SH3BP4: variants seen among roughly 807,000 people sequenced by gnomAD.
The protein encoded by SH3BP4 is SH3 domain binding protein 4, also known as SH3 domain-binding protein 4.
A neutral mutation model predicts 65.5 loss-of-function variants in SH3BP4; 33 were observed. That is an observed-to-expected ratio of 0.50 (90% CI 0.38 to 0.67). The LOEUF is 0.67. Ranked by LOEUF, SH3BP4 falls within the 30% of genes least tolerant of loss-of-function variation. The pLI is 0.00. For synonymous variants in SH3BP4, 552 were observed against 545.5 expected (o/e 1.01, Z -0.17); for missense variants, 1,134 against 1,261.4 (o/e 0.90, Z 1.53).
Position 235,034,831 on chromosome 2 carries a change from G to C in SH3BP4, c.-132-40G>C. The C allele has an allele frequency of 1.7e-6, 1 of 593,802 alleles. No individual in the cohort carries two copies. Among genetic ancestry groups the C allele is most frequent in the Non-Finnish European group, 3.0e-6 (1 of 334,354 alleles). 36.8% of individuals were successfully genotyped at this position (593,802 alleles called of 1,614,324 possible). On this transcript the variant is annotated intron_variant, in intron 2 of 5. Transcript: ENST00000392011. The surrounding 1 kb of genome is among the most constrained non-coding windows in gnomAD (Gnocchi z 6.2). The stretch of plus-strand genomic sequence containing the variant: ...AAAATTACCATTGAACCCATGTTTC[G>C]CTTGCTTAAGGGACTTTTTTGTTCC...
At chr2:235,015,884 G>A (rs779476458) in intron 2 of SH3BP4, among the ~76,000 whole-genome samples, 15 of 152,042 alleles carry the variant, frequency 9.9e-5, no homozygotes, top group Non-Finnish European at 1.9e-4. Flanking sequence ...AGCCATGGGC[G>A]CCTTGCTAGT....
In SH3BP4 at chr2:235,042,014, C is replaced by T. The variant is rs1429202399; in HGVS notation, c.1245C>T (p.Cys415=). 3 of 1,613,990 alleles carry T rather than the reference C, an allele frequency of 1.9e-6. No homozygotes were observed. The South Asian group carries it at 3.3e-5, about 18-fold the overall frequency. The change falls in exon 4 of 6, where the codon TGC becomes TGT. Residue 415 remains cysteine (C), a synonymous_variant. Coordinates refer to ENST00000392011, the MANE Select transcript of SH3BP4 (RefSeq NM_014521.3). The surrounding 1 kb of genome is among the most constrained non-coding windows in gnomAD (Gnocchi z 7.3). ...LFSKSTVGLQ[C]LRSDSKEGPY... is the part of the protein sequence containing the mutation. ...GCAAAAGCACAGTGGGCCTCCAGTGCCTGAGGAGCGACTCGAAGGAAGGGC... is the reference window on the plus strand; with the variant it reads ...GCAAAAGCACAGTGGGCCTCCAGTGTCTGAGGAGCGACTCGAAGGAAGGGC...
At position 234,997,772 on chromosome 2, in the gene SH3BP4, CAG is replaced by C. The variant is rs1441403582; in HGVS notation, c.-133+2399_-133+2400del. ...TGTTTCACAGATGAGAAACTCATCT[CAG>C]AGTACTCAGAAACCCAGAATACTTC... On this transcript the variant is annotated intron_variant, in intron 2 of 5. Coordinates refer to ENST00000392011, the MANE Select transcript of SH3BP4 (RefSeq NM_014521.3). The surrounding 1 kb of genome is among the most constrained non-coding windows in gnomAD (Gnocchi z 4.2). Among the ~76,000 whole-genome samples the C allele has an allele frequency of 6.6e-6, 1 of 152,186 alleles. No homozygotes were observed. The highest frequency in any genetic ancestry group is 1.5e-5 in the Non-Finnish European group (1 of 68,044).
At chr2:235,002,486 G>A (rs965710975) in intron 2 of SH3BP4, among the ~76,000 whole-genome samples, 6 of 152,176 alleles carry the variant, frequency 3.9e-5, no homozygotes, top group African/African-American at 1.4e-4. Context: ...TAATCCAAGG[G>A]AGGCTGAAGC....
At position 234,984,903 on chromosome 2, in the gene SH3BP4, T is replaced by C. The variant is rs573112448; in HGVS notation, c.-206-10400T>C. On this transcript the variant is annotated intron_variant, in intron 1 of 5. Coordinates refer to ENST00000392011, the MANE Select transcript of SH3BP4 (RefSeq NM_014521.3). ...GAGGAAAAGCTAATCGGGGGTCAGCTACTGAGCTAGTGGCCACTGTTAACC... is the reference window on the plus strand; with the variant it reads ...GAGGAAAAGCTAATCGGGGGTCAGCCACTGAGCTAGTGGCCACTGTTAACC... Among the ~76,000 whole-genome samples, 16 of 152,250 alleles carry C rather than the reference T, an allele frequency of 1.1e-4. No homozygotes were observed. In the East Asian group the frequency reaches 2.9e-3, roughly 28 times the overall value.
At chr2:235,010,568 C>A (rs1018511124) in intron 2 of SH3BP4, among the ~76,000 whole-genome samples, 2 of 152,210 alleles carry the variant, frequency 1.3e-5, no homozygotes, top group Non-Finnish European at 2.9e-5. Flanking sequence ...CACCCAGCAG[C>A]CAATGAATGT....
chr2:235,046,361 G>A lies in SH3BP4; in HGVS notation c.2478+3114G>A, dbSNP rs954351132. ...AGACAGGAGAATCGCTTGAGCCCGG[G>A]AATTCAAGACCAGCCTGAGCAACAT... On this transcript the variant is annotated intron_variant, in intron 4 of 5. Coordinates refer to ENST00000392011, the MANE Select transcript of SH3BP4 (RefSeq NM_014521.3). This position sits in a 1 kb window ranked among gnomAD's most constrained non-coding sequence, Gnocchi z 4.2. 2.8e-4 allele frequency among the ~76,000 whole-genome samples: 43 copies of A among 152,254 alleles called. No homozygotes were observed. Among genetic ancestry groups the A allele is most frequent in the African/African-American group, 1.0e-3 (43 of 41,542 alleles).
chr2:235,036,740 A>AAAAAAAAAAAAAAAAAAAAATAATAAT (rs146049108), intron 3 of SH3BP4, among the ~76,000 whole-genome samples: 6 of 141,738 alleles, frequency 4.2e-5, no homozygotes, highest in African/African-American at 1.4e-4. Context: ...TCTATATAAA[A>AAAAAAAAAAAAAAAAAAAAATAATAAT]AATAATAATA....
chr2:235,017,045 C>CTTTTTTT (rs995197698), intron 2 of SH3BP4, among the ~76,000 whole-genome samples: 18 of 88,392 alleles, frequency 2.0e-4, no homozygotes, highest in Admixed American at 7.8e-4. Flanking sequence ...GTTTGCCTTT[C>CTTTTTTT]TTTTTTTTTT....
At chr2:234,986,698 A>T (rs977253627) in intron 1 of SH3BP4, among the ~76,000 whole-genome samples, 1 of 152,062 alleles carries the variant, frequency 6.6e-6, no homozygotes, top group Non-Finnish European at 1.5e-5. Flanking sequence ...TATCTGCTAA[A>T]TGATGGCATG....
At chr2:235,031,064 G>A (rs555278262) in intron 2 of SH3BP4, among the ~76,000 whole-genome samples, 20 of 152,088 alleles carry the variant, frequency 1.3e-4, no homozygotes, top group Non-Finnish European at 2.8e-4. Context: ...CAGGACACAC[G>A]TCTCCCACCT....
intron 1 of SH3BP4, among the ~76,000 whole-genome samples, chr2:234,973,574 C>A (rs1393508557): frequency 6.6e-6 from 1 of 152,090 alleles, no homozygotes; most frequent in Non-Finnish European, 1.5e-5. Context: ...CAATACGTAC[C>A]CCCCTGAACA....
intron 1 of SH3BP4, among the ~76,000 whole-genome samples, chr2:234,965,909 T>C (rs1002362471): frequency 1.3e-5 from 2 of 152,220 alleles, no homozygotes; most frequent in African/African-American, 4.8e-5. Flanking sequence ...CTACTAGGAT[T>C]TGCAAATAGG....
At chr2:235,043,710 A>T (rs1695748779) in intron 4 of SH3BP4, among the ~76,000 whole-genome samples, 1 of 85,724 alleles carries the variant, frequency 1.2e-5, no homozygotes, top group South Asian at 5.6e-4. Context: ...GCTGCCTGAG[A>T]TAGGTGCGGC....
rs542393771 is a variant in SH3BP4, at chr2:234,991,410, A to G, written c.-206-3893A>G. Among the ~76,000 whole-genome samples, 32 of 152,328 alleles carry G rather than the reference A, an allele frequency of 2.1e-4. No homozygotes were observed. The highest frequency in any genetic ancestry group is 7.7e-4 in the African/African-American group (32 of 41,572). The stretch of plus-strand genomic sequence containing the variant: ...GCCCTTCTCTCTGCACCGTGGGAGA[A>G]GACACTTGTGTTTTGAGCTGCTGAA... On this transcript the variant is annotated intron_variant, in intron 1 of 5. Transcript: ENST00000392011. The surrounding 1 kb of genome is among the most constrained non-coding windows in gnomAD (Gnocchi z 4.2).
intron 1 of SH3BP4, among the ~76,000 whole-genome samples, chr2:234,990,175 G>A (rs890751692): frequency 3.3e-5 from 5 of 152,132 alleles, no homozygotes; most frequent in South Asian, 2.1e-4. Context: ...AGCACTTCTC[G>A]TCCCAGGGAT....
intron 1 of SH3BP4, among the ~76,000 whole-genome samples, chr2:234,960,848 CT>C (rs1336883808): frequency 2.6e-5 from 4 of 152,196 alleles, no homozygotes; most frequent in African/African-American, 9.7e-5. Context: ...GAGGAAGATC[CT>C]TGGTAAGAAT....
At chr2:235,016,018 C>T (rs978581997) in intron 2 of SH3BP4, among the ~76,000 whole-genome samples, 4 of 151,652 alleles carry the variant, frequency 2.6e-5, no homozygotes, top group Non-Finnish European at 4.4e-5. Flanking sequence ...GGGGGACACA[C>T]ATTTGGCTGG....
Position 235,049,017 on chromosome 2 carries a change from T to C in SH3BP4, c.2479-3545T>C, listed in dbSNP as rs1487611309. Reference sequence around the variant, plus strand: ...TTGGTTGGCACCCAAAATTTGTCCTTTAAAAATATGCATCAGTTATGCCTT... The same window carrying C: ...TTGGTTGGCACCCAAAATTTGTCCTCTAAAAATATGCATCAGTTATGCCTT... On this transcript the variant is annotated intron_variant, in intron 4 of 5. Coordinates refer to ENST00000392011, the MANE Select transcript of SH3BP4 (RefSeq NM_014521.3). Among the ~76,000 whole-genome samples, 3 of 152,222 alleles carry C rather than the reference T, an allele frequency of 2.0e-5. No individual in the cohort carries two copies. In the East Asian group the frequency reaches 5.8e-4, roughly 29 times the overall value.
Sources: allele counts gnomAD v4.1 joint callset (sites outside exome capture counted in the v4.1 genomes callset), GRCh38; gene constraint gnomAD v4.1.1; non-coding constraint Gnocchi (gnomAD v3.1); transcripts MANE v1.5; gene names NCBI Gene and HGNC (gene_info 2026-07-23, HGNC 2026-07-21).